The following ZNF334 variants were observed in gnomAD, a reference collection of about 807,000 sequenced individuals.
ZNF334 encodes zinc finger protein 334.
Under a neutral mutation model 12.4 loss-of-function variants are expected in ZNF334, and 14 were observed. That is an observed-to-expected ratio of 1.13 (90% CI 0.74 to 1.76). The LOEUF (loss-of-function observed/expected upper bound fraction) is 1.76. ZNF334 is among the 40% of genes most tolerant of loss of function. The pLI is 0.00. For synonymous variants in ZNF334, 273 were observed against 269.6 expected, an observed-to-expected ratio of 1.01 and a Z score of -0.12; for missense variants, 797 against 804.5, an observed-to-expected ratio of 0.99 and a Z score of 0.11.
chr20:46,509,201 G>A (rs896974848), intron 2 of ZNF334, among the ~76,000 whole-genome samples: 1 of 151,696 alleles, frequency 6.6e-6, no homozygotes, highest in Non-Finnish European at 1.5e-5. Flanking sequence ...CTCTATATTC[G>A]AGTTCTATTG....
chr20:46,481,719 G>A, the ZNF334 span, among the ~76,000 whole-genome samples: 5 of 152,248 alleles, frequency 3.3e-5, no homozygotes, highest in East Asian at 1.9e-4. Flanking sequence ...AAGGGCACTC[G>A]TCCTGACAGA....
the ZNF334 span, among the ~76,000 whole-genome samples, chr20:46,493,535 G>A: frequency 6.6e-6 from 1 of 152,298 alleles, no homozygotes; most frequent in African/African-American, 2.4e-5. Flanking sequence ...TGTAATCCCA[G>A]CACTTTGGGA....
chr20:46,506,063 C>CA, intron 2 of ZNF334: 1 of 311,806 alleles, frequency 3.2e-6, no homozygotes, highest in East Asian at 5.0e-5. Context: ...GAAAACAAAA[C>CA]AAAAAAGAGA....
chr20:46,502,180 A>G lies in ZNF334; in HGVS notation c.1159T>C (p.Phe387Leu). 6.2e-7 allele frequency: 1 copy of G among 1,614,090 alleles called. No individual in the cohort carries two copies. Residue 387 changes from phenylalanine to leucine, a missense_variant, in exon 5 of 5, where the codon TTC becomes CTC. Transcript: ENST00000692313. ...TGCGCAGTAAGGGCTGACTGACAGA[A>G]GAAGGTTTTCCCACATTCCTTACAT... ...NECKECGKTFFCQSALTAHQR... is the reference protein window; with the variant it reads ...NECKECGKTFLCQSALTAHQR...
chr20:46,476,519 G>A, the ZNF334 span, among the ~76,000 whole-genome samples: 3 of 152,224 alleles, frequency 2.0e-5, no homozygotes, highest in Admixed American at 6.5e-5. Context: ...ACTGGGTAAA[G>A]GGTATATGAG....
downstream of ZNF334, among the ~76,000 whole-genome samples, chr20:46,498,900 C>A (rs918863280): frequency 1.3e-5 from 2 of 151,950 alleles, no homozygotes; most frequent in African/African-American, 4.8e-5. Flanking sequence ...AAGGGCCGGG[C>A]GCGGTGGCTC....
At chr20:46,470,829 A>G in the ZNF334 span, among the ~76,000 whole-genome samples, 1 of 152,260 alleles carries the variant, frequency 6.6e-6, no homozygotes, top group Admixed American at 6.5e-5. Context: ...TCAGTATATG[A>G]GTACACTGCC....
At chr20:46,465,680 G>A in the ZNF334 span, among the ~76,000 whole-genome samples, 1 of 152,174 alleles carries the variant, frequency 6.6e-6, no homozygotes, top group Non-Finnish European at 1.5e-5. Context: ...AGCTATGATC[G>A]TGCCACTGCA....
At chr20:46,483,115 TGGATAGTATCCA>T in the ZNF334 span, among the ~76,000 whole-genome samples, 1 of 152,248 alleles carries the variant, frequency 6.6e-6, no homozygotes, top group Non-Finnish European at 1.5e-5. Context: ...TTAAAAACAC[TGGATAGTATCCA>T]GGTTTTAAAT....
downstream of ZNF334, chr20:46,496,710 C>T (rs1333576264): frequency 6.6e-6 from 1 of 152,250 alleles, no homozygotes; most frequent in African/African-American, 2.4e-5. Flanking sequence ...ACATTTCTTA[C>T]CTGCTGGTTC....
At chr20:46,469,534 AT>A in the ZNF334 span, among the ~76,000 whole-genome samples, 40,940 of 148,824 alleles carry the variant, frequency 0.28, 6,600 homozygotes, top group African/African-American at 0.46. Flanking sequence ...ACACTGGGCT[AT>A]TTTTTTTTTG....
At chr20:46,487,826 T>A in the ZNF334 span, among the ~76,000 whole-genome samples, 15 of 152,324 alleles carry the variant, frequency 9.8e-5, no homozygotes, top group Non-Finnish European at 2.2e-4. Flanking sequence ...AATAATTTGG[T>A]TTTACTTTCT....
chr20:46,475,632 C>T, the ZNF334 span, among the ~76,000 whole-genome samples: 1 of 152,068 alleles, frequency 6.6e-6, no homozygotes, highest in Non-Finnish European at 1.5e-5. Context: ...AAGGACATTT[C>T]AATGACAAGG....
chr20:46,509,814 C>A, intron 2 of ZNF334: 1 of 617,708 alleles, frequency 1.6e-6, no homozygotes, highest in South Asian at 1.9e-5. Context: ...AAGGGGATGG[C>A]AGAATATGGA....
At chr20:46,474,695 C>T in the ZNF334 span, 1 of 152,144 alleles carries the variant, frequency 6.6e-6, no homozygotes, top group Non-Finnish European at 1.5e-5. Context: ...AAATCTAGAA[C>T]AAAGAATTAT....
At chr20:46,468,253 A>C in the ZNF334 span, among the ~76,000 whole-genome samples, 1 of 150,908 alleles carries the variant, frequency 6.6e-6, no homozygotes, top group East Asian at 1.9e-4. Context: ...GCTCAGGGAC[A>C]CTTCCGCAGT....
the ZNF334 span, among the ~76,000 whole-genome samples, chr20:46,493,210 GC>G: frequency 6.6e-6 from 1 of 152,182 alleles, no homozygotes; most frequent in Non-Finnish European, 1.5e-5. Flanking sequence ...CATTCATTTT[GC>G]TGTTTGTCCA....
In ZNF334 at chr20:46,502,334, G is replaced by A. The variant is rs375553132; in HGVS notation, c.1005C>T (p.Ala335=). The part of the protein sequence containing the change: ...ECGKTFFRKS[A]LAEHFRSHTG... ...TGTGTGACCTGAAATGTTCAGCCAG[G>A]GCTGACTTCCGAAAAAAGGTCTTTC... Residue 335 remains alanine, a synonymous_variant, in exon 5 of 5, where the codon GCC becomes GCT. Coordinates refer to ENST00000692313, the MANE Select transcript of ZNF334 (RefSeq NM_001353824.2). 2.5e-6 allele frequency: 4 copies of A among 1,614,008 alleles called. No individual in the cohort carries two copies. The highest frequency in any genetic ancestry group is 1.3e-5 in the African/African-American group (1 of 75,022).
the ZNF334 span, among the ~76,000 whole-genome samples, chr20:46,469,513 T>C: frequency 1.3e-5 from 2 of 151,090 alleles, no homozygotes; most frequent in Non-Finnish European, 2.9e-5. Flanking sequence ...AGACTACAGG[T>C]GCCCACCACC....
Sources: allele counts gnomAD v4.1 joint callset (sites outside exome capture counted in the v4.1 genomes callset), GRCh38; gene constraint gnomAD v4.1.1; transcripts MANE v1.5; gene names NCBI Gene and HGNC (gene_info 2026-07-23, HGNC 2026-07-21).